Variants in ZNF398 observed in about 807,000 individuals in gnomAD.
The protein encoded by ZNF398 is zinc finger protein 398.
ZNF398 carries 18 observed loss-of-function variants against 41.9 expected under a neutral mutation model. The observed-to-expected ratio is 0.43, with a 90% CI of 0.30 to 0.64. The LOEUF is 0.64. Ranked by LOEUF, ZNF398 falls within the 30% of genes least tolerant of loss-of-function variation. The pLI is 0.14. For synonymous variants in ZNF398, 260 were observed against 308.8 expected, an observed-to-expected ratio of 0.84 and a Z score of 1.66; for missense variants, 669 against 822.8, an observed-to-expected ratio of 0.81 and a Z score of 2.29.
At position 149,181,880 on chromosome 7, in the gene ZNF398, C is replaced by T. The variant is rs936895409; in HGVS notation, c.*2079C>T. The T allele has an allele frequency of 3.9e-5, 6 of 152,188 alleles. No homozygotes were observed. Among genetic ancestry groups the T allele is most frequent in the African/African-American group, 4.8e-5 (2 of 41,424 alleles). The allele number at this position is 152,188 out of a possible 1,614,324, so 9.4% of individuals were successfully genotyped here. ...AGGTTCTGGCTTCATTGGCAACCCA[C>T]TAGGAACTTGAATGTGAGATTCAGC... On this transcript the variant is annotated 3_prime_UTR_variant, in exon 6 of 6. Transcript: ENST00000475153.
At chr7:149,136,315 G>A (rs886238190) in intron 2 of ZNF398, among the ~76,000 whole-genome samples, 11 of 151,954 alleles carry the variant, frequency 7.2e-5, no homozygotes, top group Non-Finnish European at 1.6e-4. Flanking sequence ...AGACTGTGGG[G>A]CGGCCGAGCA....
chr7:149,160,979 A>G (rs1585526661), intron 2 of ZNF398, among the ~76,000 whole-genome samples: 1 of 152,090 alleles, frequency 6.6e-6, no homozygotes, highest in Admixed American at 6.6e-5. Context: ...CTGCACCCCA[A>G]GGAGGCCTGT....
intron 2 of ZNF398, among the ~76,000 whole-genome samples, chr7:149,138,806 G>A (rs140165576): frequency 8.3e-4 from 127 of 152,224 alleles, no homozygotes; most frequent in African/African-American, 2.7e-3. Flanking sequence ...GCACAGAAAA[G>A]TAATAATAAA....
chr7:149,165,672 G>A (rs1475437494), intron 2 of ZNF398, among the ~76,000 whole-genome samples: 2 of 152,176 alleles, frequency 1.3e-5, no homozygotes, highest in South Asian at 2.1e-4. Flanking sequence ...ATCAGCCATG[G>A]TATTATCCTT....
intron 1 of ZNF398, among the ~76,000 whole-genome samples, chr7:149,153,226 C>T (rs1362883369): frequency 1.3e-5 from 2 of 152,048 alleles, no homozygotes; most frequent in Non-Finnish European, 2.9e-5. Flanking sequence ...ACCTGTAGCC[C>T]CAGCTACTTA....
At chr7:149,148,537 A>C (rs549061062) in intron 1 of ZNF398, 11 of 952,340 alleles carry the variant, frequency 1.2e-5, no homozygotes, top group Non-Finnish European at 1.4e-5. Context: ...ACCCTGGCAC[A>C]TGAGGGGTGA....
At chr7:149,168,745 G>A (rs887748391) in intron 4 of ZNF398, among the ~76,000 whole-genome samples, 20 of 151,682 alleles carry the variant, frequency 1.3e-4, no homozygotes, top group African/African-American at 4.4e-4. Flanking sequence ...AGTAGAGATG[G>A]GGTTTCACCA....
At chr7:149,149,950 G>A (rs1827071108) in intron 1 of ZNF398, among the ~76,000 whole-genome samples, 1 of 152,184 alleles carries the variant, frequency 6.6e-6, no homozygotes, top group African/African-American at 2.4e-5. Context: ...CCACATGTAG[G>A]TAGTGGCTAC....
At chr7:149,155,558 T>C (rs1337833333) in intron 2 of ZNF398, among the ~76,000 whole-genome samples, 2 of 151,912 alleles carry the variant, frequency 1.3e-5, no homozygotes, top group African/African-American at 2.4e-5. Context: ...ATGATTCTAA[T>C]ATATGACTAG....
At chr7:149,154,436 T>A in intron 2 of ZNF398, 96 bp downstream of exon 2, 2 of 1,326,118 alleles carry the variant, frequency 1.5e-6, no homozygotes, top group Admixed American at 5.5e-5. Context: ...TATTTCCTTT[T>A]AAAGTTTCTT....
intron 2 of ZNF398, among the ~76,000 whole-genome samples, chr7:149,155,573 G>A (rs1794947787): frequency 6.6e-6 from 1 of 151,770 alleles, no homozygotes; most frequent in East Asian, 1.9e-4. Context: ...GACTAGGGTT[G>A]TGAATCACTG....
intron 2 of ZNF398, among the ~76,000 whole-genome samples, chr7:149,154,759 A>G (rs1225753722): frequency 6.6e-6 from 1 of 151,876 alleles, no homozygotes. Flanking sequence ...GGAGGCTGAG[A>G]TGGGCAGATA....
intron 2 of ZNF398, among the ~76,000 whole-genome samples, chr7:149,160,160 C>T (rs1411161509): frequency 6.6e-6 from 1 of 152,072 alleles, no homozygotes; most frequent in Non-Finnish European, 1.5e-5. Context: ...TTTTCTAGGC[C>T]AGGCGCGGTG....
Position 149,171,528 on chromosome 7 carries a change from C to T in ZNF398, c.661+4598C>T, listed in dbSNP as rs182396234. Among the ~76,000 whole-genome samples the T allele has an allele frequency of 3.7e-3, 555 of 151,236 alleles. 2 individuals are homozygous for T. Among genetic ancestry groups the T allele is most frequent in the Non-Finnish European group, 6.3e-3 (427 of 67,874 alleles). Reference sequence around the variant, plus strand: ...GGATCACAGGCATGCTGCGCCCCCACGCCCGGCTAATTTTTGCATTTTTAT... The same window carrying T: ...GGATCACAGGCATGCTGCGCCCCCATGCCCGGCTAATTTTTGCATTTTTAT... On this transcript the variant is annotated intron_variant, in intron 4 of 5. Transcript: ENST00000475153.
At chr7:149,161,067 G>T (rs1322670007) in intron 2 of ZNF398, among the ~76,000 whole-genome samples, 3 of 151,842 alleles carry the variant, frequency 2.0e-5, no homozygotes, top group Admixed American at 6.6e-5. Flanking sequence ...TTTCCCCAGC[G>T]CCCCTTTGGC....
At chr7:149,161,212 A>G (rs1170136396) in intron 2 of ZNF398, among the ~76,000 whole-genome samples, 2 of 151,896 alleles carry the variant, frequency 1.3e-5, no homozygotes, top group Non-Finnish European at 2.9e-5. Flanking sequence ...CCTAGTAGAG[A>G]CAATGGGCTG....
intron 2 of ZNF398, among the ~76,000 whole-genome samples, chr7:149,141,795 G>T (rs1247099399): frequency 6.6e-6 from 1 of 151,412 alleles, no homozygotes; most frequent in Non-Finnish European, 1.5e-5. Flanking sequence ...CACCATGTTG[G>T]CCAGGCTGGT....
intron 2 of ZNF398, among the ~76,000 whole-genome samples, chr7:149,161,822 AAGG>A (rs1470539663): frequency 2.0e-4 from 29 of 148,524 alleles, no homozygotes; most frequent in Admixed American, 9.4e-4. Context: ...AAAAAAAAAA[AAGG>A]GGAATTGTTA....
At chr7:149,128,522 G>A (rs1563151287) in intron 1 of ZNF398, among the ~76,000 whole-genome samples, 1 of 152,130 alleles carries the variant, frequency 6.6e-6, no homozygotes, top group East Asian at 1.9e-4. Context: ...TGAGGCAGTA[G>A]GATTGCCTGA....
Sources: gnomAD v4.1 joint callset for allele counts (sites outside exome capture counted in the v4.1 genomes callset) on GRCh38, gnomAD v4.1.1 for gene constraint, MANE v1.5 for transcripts, NCBI Gene and HGNC (gene_info 2026-07-23, HGNC 2026-07-21) for gene names.